The following EXOC6B variants were observed in gnomAD, a reference collection of about 807,000 sequenced individuals.
EXOC6B encodes exocyst complex component 6B.
A neutral mutation model predicts 113.5 loss-of-function variants in EXOC6B; 54 were observed. The observed-to-expected ratio is 0.48, with a 90% CI of 0.38 to 0.60. The LOEUF (loss-of-function observed/expected upper bound fraction) is 0.60. Among genes scored for constraint, EXOC6B ranks in the 20% least tolerant of loss-of-function variants. The pLI is 0.00. For synonymous variants in EXOC6B, 357 were observed against 339.0 expected, an observed-to-expected ratio of 1.05 and a Z score of -0.58; for missense variants, 797 against 977.5, an observed-to-expected ratio of 0.82 and a Z score of 2.46.
At chr2:72,746,999 C>A (rs1394068889) in intron 1 of EXOC6B, among the ~76,000 whole-genome samples, 2 of 151,942 alleles carry the variant, frequency 1.3e-5, no homozygotes, top group Non-Finnish European at 2.9e-5. Flanking sequence ...AGGCCTGACC[C>A]CCAAAGAAAA....
chr2:72,543,723 C>G (rs1328551698), intron 8 of EXOC6B, among the ~76,000 whole-genome samples: 2 of 152,128 alleles, frequency 1.3e-5, no homozygotes, highest in African/African-American at 2.4e-5. Context: ...TTCCTGTGTC[C>G]TTATCAATGC....
Position 72,769,569 on chromosome 2 carries a change from T to C in EXOC6B, c.114-28100A>G, listed in dbSNP as rs112747929. On this transcript the variant is annotated intron_variant, in intron 1 of 21. Transcript: ENST00000272427. ...GCTCACACCTGTAATCCCAGCACTT[T>C]GGGAGGCCAAGGCGGGCAGATCACC... Among the ~76,000 whole-genome samples the C allele has an allele frequency of 6.4e-4, 98 of 152,278 alleles. 1 individual carries two copies. Among genetic ancestry groups the C allele is most frequent in the African/African-American group, 2.1e-3 (89 of 41,550 alleles).
At chr2:72,434,284 T>C (rs1240515050) in intron 18 of EXOC6B, among the ~76,000 whole-genome samples, 1 of 152,234 alleles carries the variant, frequency 6.6e-6, no homozygotes, top group Non-Finnish European at 1.5e-5. Flanking sequence ...AGCTTTTTGA[T>C]GGGCTGCTGG....
chr2:72,476,884 T>C (rs1378353286), intron 17 of EXOC6B, among the ~76,000 whole-genome samples: 2 of 152,176 alleles, frequency 1.3e-5, no homozygotes, highest in Non-Finnish European at 2.9e-5. Flanking sequence ...GCACATGAAG[T>C]TAAAATATCC....
intron 8 of EXOC6B, among the ~76,000 whole-genome samples, chr2:72,530,379 G>A (rs555929101): frequency 6.6e-6 from 1 of 152,236 alleles, no homozygotes; most frequent in Admixed American, 6.5e-5. Context: ...TTATATGTAA[G>A]TGTATTATCT....
intron 1 of EXOC6B, among the ~76,000 whole-genome samples, chr2:72,742,162 T>C (rs1391008511): frequency 2.0e-5 from 3 of 152,138 alleles, no homozygotes; most frequent in Non-Finnish European, 4.4e-5. Flanking sequence ...CCAGTAACGA[T>C]AAAATAAGTG....
At chr2:72,294,306 T>G (rs1685988370) in intron 20 of EXOC6B, among the ~76,000 whole-genome samples, 1 of 152,156 alleles carries the variant, frequency 6.6e-6, no homozygotes, top group Non-Finnish European at 1.5e-5. Context: ...ATATTTATTA[T>G]AATCATTCTA....
chr2:72,557,753 G>A lies in EXOC6B; in HGVS notation c.915+1700C>T, dbSNP rs112071327. ...GAAATAATCTATACAACAAACCCCC[G>A]TGACATGAGTTTACCTATGTAACAA... On this transcript the variant is annotated intron_variant, in intron 8 of 21. Transcript: ENST00000272427. Among the ~76,000 whole-genome samples, 1,262 of 151,946 alleles carry A rather than the reference G, an allele frequency of 8.3e-3. 19 individuals are homozygous for A. Among genetic ancestry groups the A allele is most frequent in the African/African-American group, 0.028 (1,156 of 41,438 alleles).
intron 8 of EXOC6B, among the ~76,000 whole-genome samples, chr2:72,555,778 C>T (rs1703506341): frequency 6.6e-6 from 1 of 152,106 alleles, no homozygotes; most frequent in Admixed American, 6.5e-5. Context: ...TCCTGAGTAG[C>T]TGGGATTACA....
Position 72,513,223 on chromosome 2 carries a change from T to C in EXOC6B, c.1076A>G (p.His359Arg). ...GFFVVEDHIL[H>R]TTQGLVNRAY... ...TCTATTTACTAAGCCCTGGGTTGTA[T>C]GTAAAATGTGATCTTCAACCACAAA... The change falls in exon 11 of 22, where the codon CAT becomes CGT. Residue 359 changes from histidine to arginine, a missense_variant. Transcript: ENST00000272427. 1 of 1,612,944 alleles carries C rather than the reference T, an allele frequency of 6.2e-7. No homozygotes were observed. Among genetic ancestry groups the C allele is most frequent in the Non-Finnish European group, 8.5e-7 (1 of 1,179,278 alleles).
chr2:72,617,845 A>G (rs1393797709), intron 6 of EXOC6B, among the ~76,000 whole-genome samples: 1 of 152,060 alleles, frequency 6.6e-6, no homozygotes, highest in Non-Finnish European at 1.5e-5. Context: ...TCTTTGCTAC[A>G]GACTCTCAAC....
intron 19 of EXOC6B, among the ~76,000 whole-genome samples, chr2:72,352,864 A>C (rs1422122306): frequency 1.3e-5 from 2 of 152,150 alleles, no homozygotes; most frequent in African/African-American, 4.8e-5. Context: ...TTCTAAATAG[A>C]CATGGTATTT....
chr2:72,244,376 C>T (rs1034258603), intron 20 of EXOC6B, among the ~76,000 whole-genome samples: 1 of 151,980 alleles, frequency 6.6e-6, no homozygotes, highest in East Asian at 1.9e-4. Flanking sequence ...AAATACAACT[C>T]ATTAAAATTT....
rs562074885 is a variant in EXOC6B, at chr2:72,447,147, A to G, written c.1980+18013T>C. Among the ~76,000 whole-genome samples the G allele has an allele frequency of 5.3e-5, 8 of 152,208 alleles. No homozygotes were observed. In the South Asian group the frequency reaches 1.5e-3, roughly 28 times the overall value. ...TTAGAGATTGTTCAAACATCCACCT[A>G]TGTTGTATTCAACTCCTTTTACCAC... On this transcript the variant is annotated intron_variant, in intron 18 of 21. Transcript: ENST00000272427.
At chr2:72,742,285 T>C (rs1203158634) in intron 1 of EXOC6B, among the ~76,000 whole-genome samples, 1 of 152,178 alleles carries the variant, frequency 6.6e-6, no homozygotes, top group Non-Finnish European at 1.5e-5. Flanking sequence ...CTTTACTAGA[T>C]GATTCTCATG....
intron 17 of EXOC6B, among the ~76,000 whole-genome samples, chr2:72,465,970 A>T (rs1698024335): frequency 6.6e-6 from 1 of 152,124 alleles, no homozygotes. Context: ...CTCTATCTTC[A>T]GTACAGATCT....
At chr2:72,592,805 C>T (rs2103943763) in intron 6 of EXOC6B, among the ~76,000 whole-genome samples, 1 of 152,260 alleles carries the variant, frequency 6.6e-6, no homozygotes, top group East Asian at 1.9e-4. Flanking sequence ...CACCTGAACA[C>T]CCTTGGAATT....
chr2:72,761,442 A>C (rs1682737824), intron 1 of EXOC6B, among the ~76,000 whole-genome samples: 1 of 152,224 alleles, frequency 6.6e-6, no homozygotes, highest in African/African-American at 2.4e-5. Flanking sequence ...AAAAGCTATG[A>C]AATATCACCA....
chr2:72,553,928 C>G (rs933116235), intron 8 of EXOC6B, among the ~76,000 whole-genome samples: 1 of 151,920 alleles, frequency 6.6e-6, no homozygotes, highest in Admixed American at 6.6e-5. Context: ...GAAGCAAGCA[C>G]AAATATCAAA....
Sources: gnomAD v4.1 joint callset for allele counts (sites outside exome capture counted in the v4.1 genomes callset) on GRCh38, gnomAD v4.1.1 for gene constraint, MANE v1.5 for transcripts, NCBI Gene and HGNC (gene_info 2026-07-23, HGNC 2026-07-21) for gene names.